The following COL15A1 variants were observed in gnomAD, a reference collection of about 807,000 sequenced individuals.
The protein encoded by COL15A1 is collagen type XV alpha 1 chain.
Under a neutral mutation model 165.9 loss-of-function variants are expected in COL15A1, and 111 were observed. The ratio of observed to expected loss-of-function variants is 0.67; its 90% CI spans 0.57 to 0.78. The LOEUF is 0.78. Ranked by LOEUF, COL15A1 falls within the 30% of genes least tolerant of loss-of-function variation. The probability of loss-of-function intolerance (pLI) is 0.00; values close to 1 mark genes in which losing one functional copy is unlikely to be tolerated. For missense variants in COL15A1, 1,745 were observed against 1,789.7 expected (o/e 0.98, Z 0.45); for synonymous variants, 659 against 674.8 (o/e 0.98, Z 0.36).
chr9:99,053,167 CT>C (rs1387659058), intron 31 of COL15A1, among the ~76,000 whole-genome samples: 6 of 152,358 alleles, frequency 3.9e-5, no homozygotes, highest in Admixed American at 2.6e-4. Context: ...TCTGGTCCCC[CT>C]GTCCTCACAC....
At chr9:98,962,568 C>T (rs879083159) in intron 2 of COL15A1, among the ~76,000 whole-genome samples, 23 of 152,156 alleles carry the variant, frequency 1.5e-4, no homozygotes, top group African/African-American at 4.8e-4. Context: ...AACTTAAGTG[C>T]TTTTAAAGAT....
At chr9:98,958,922 C>T (rs1837820527) in intron 2 of COL15A1, among the ~76,000 whole-genome samples, 1 of 152,044 alleles carries the variant, frequency 6.6e-6, no homozygotes, top group African/African-American at 2.4e-5. Context: ...GATTGGAAGC[C>T]ATGGCTGATG....
chr9:99,067,102 T>G, intron 40 of COL15A1, 35 bp downstream of exon 40: 2 of 1,576,430 alleles, frequency 1.3e-6, no homozygotes, highest in Non-Finnish European at 1.7e-6. Context: ...GCCTTCTGCA[T>G]GCATTGGTCG....
At chr9:99,066,764 A>AC (rs1193545646) in intron 39 of COL15A1, 118 bp from the exon 40 acceptor site, 3 of 817,500 alleles carry the variant, frequency 3.7e-6, no homozygotes, top group Admixed American at 2.7e-5. Context: ...GAATAAAATG[A>AC]CCTCCAACGT....
At chr9:99,022,202 C>T (rs375608448) in intron 13 of COL15A1, 52 bp downstream of exon 13, 383 of 1,610,340 alleles carry the variant, frequency 2.4e-4, no homozygotes, top group Non-Finnish European at 2.8e-4. Context: ...ACCAGGGATG[C>T]GGCCAAAACA....
At chr9:99,024,297 T>TTTTTTTTC (rs1365629867) in intron 14 of COL15A1, among the ~76,000 whole-genome samples, 1 of 148,376 alleles carries the variant, frequency 6.7e-6, no homozygotes, top group African/African-American at 2.5e-5. Context: ...TTTTTTTTTT[T>TTTTTTTTC]TGAGATGGAG....
At chr9:99,025,795 G>T in intron 15 of COL15A1, 109 bp from the exon 16 acceptor site, 1 of 1,159,300 alleles carries the variant, frequency 8.6e-7, no homozygotes, top group South Asian at 1.3e-5. Flanking sequence ...TGAGGCCCTG[G>T]GCCCACCAGC....
Position 99,055,130 on chromosome 9 carries a change from A to G in COL15A1, c.3060A>G (p.Arg1020=). The change falls in exon 33 of 42, where the codon AGA becomes AGG. Residue 1020 remains arginine (R), a synonymous_variant. Coordinates refer to ENST00000375001, the MANE Select transcript of COL15A1 (RefSeq NM_001855.5). ...CTCCACTTGATCTAGCTTACCTGAG[A>G]CACTTTCTGAACAACTTGAAGGTGA... ...PGPPLDLAYL[R]HFLNNLKGEN... is the part of the protein sequence containing the mutation. The G allele has an allele frequency of 6.2e-7, 1 of 1,613,520 alleles. No homozygotes were observed. The highest frequency in any genetic ancestry group is 1.1e-5 in the South Asian group (1 of 91,068).
chr9:99,028,138 T>G (rs2119028144), intron 16 of COL15A1, among the ~76,000 whole-genome samples: 1 of 152,380 alleles, frequency 6.6e-6, no homozygotes, highest in Middle Eastern at 3.4e-3. Flanking sequence ...GAAATCAGCC[T>G]CCTTTCTCTT....
At chr9:99,061,725 AT>A (rs1408834804) in intron 36 of COL15A1, among the ~76,000 whole-genome samples, 3 of 152,320 alleles carry the variant, frequency 2.0e-5, no homozygotes, top group Non-Finnish European at 4.4e-5. Flanking sequence ...TAATATTGTC[AT>A]TTTTGTTTTA....
chr9:98,977,806 G>A (rs1034621077), intron 2 of COL15A1, among the ~76,000 whole-genome samples: 4 of 152,222 alleles, frequency 2.6e-5, no homozygotes, highest in African/African-American at 4.8e-5. Context: ...CCCATCTGTC[G>A]TCTCATTGAA....
At chr9:99,062,417 T>C (rs1210188654) in intron 38 of COL15A1, 113 bp downstream of exon 38, 1 of 804,500 alleles carries the variant, frequency 1.2e-6, no homozygotes, top group Non-Finnish European at 2.2e-6. Flanking sequence ...CTGTGCACGG[T>C]TTAGTATCTG....
intron 2 of COL15A1, among the ~76,000 whole-genome samples, chr9:98,951,563 T>A (rs1445002309): frequency 6.6e-6 from 1 of 152,156 alleles, no homozygotes; most frequent in Non-Finnish European, 1.5e-5. Flanking sequence ...TAGTGCCATT[T>A]TTATTCTATT....
intron 4 of COL15A1, 29 bp from the exon 5 acceptor site, chr9:98,989,144 TGCCCG>T (rs780064922): frequency 5.1e-6 from 8 of 1,578,852 alleles, no homozygotes; most frequent in Non-Finnish European, 7.0e-6. Context: ...CTGCCCGCTC[TGCCCG>T]GTGTGTGGCA....
chr9:98,970,043 TAAAAAAA>T (rs5899366), intron 2 of COL15A1, among the ~76,000 whole-genome samples: 1 of 139,522 alleles, frequency 7.2e-6, no homozygotes, highest in African/African-American at 2.6e-5. Flanking sequence ...ATTAGTAGTT[TAAAAAAA>T]AAAAAAAAAA....
At chr9:98,946,003 G>A (rs17710872) in intron 2 of COL15A1, among the ~76,000 whole-genome samples, 46,266 of 152,098 alleles carry the variant, frequency 0.3, 7,411 homozygotes, top group Non-Finnish European at 0.37. Flanking sequence ...AGCTGAGAAC[G>A]GTCTAAGGAG....
At chr9:99,060,058 T>A in intron 36 of COL15A1, 105 bp downstream of exon 36, 1 of 1,219,734 alleles carries the variant, frequency 8.2e-7, no homozygotes, top group Non-Finnish European at 1.2e-6. Context: ...GATCAGGCCT[T>A]CATGATAGTA....
At chr9:99,019,660 A>G (rs962324317) in intron 11 of COL15A1, among the ~76,000 whole-genome samples, 4 of 151,614 alleles carry the variant, frequency 2.6e-5, no homozygotes, top group African/African-American at 9.7e-5. Flanking sequence ...TCTGCTACAT[A>G]TCTGTGGCCA....
chr9:99,054,879 A>G (rs1227560067), intron 32 of COL15A1, among the ~76,000 whole-genome samples: 1 of 152,184 alleles, frequency 6.6e-6, no homozygotes, highest in Non-Finnish European at 1.5e-5. Flanking sequence ...TATATGCAAA[A>G]CAATGTCCAA....
Sources: allele counts gnomAD v4.1 joint callset (sites outside exome capture counted in the v4.1 genomes callset), GRCh38; gene constraint gnomAD v4.1.1; transcripts MANE v1.5; gene names NCBI Gene and HGNC (gene_info 2026-07-23, HGNC 2026-07-21).